ADAM23: variants seen among roughly 807,000 people sequenced by gnomAD.
ADAM23 encodes the protein ADAM metallopeptidase domain 23.
Under a neutral mutation model 120.1 loss-of-function variants are expected in ADAM23, and 33 were observed. That is an observed-to-expected ratio of 0.27 (90% CI 0.21 to 0.37). The LOEUF is 0.37. Among genes scored for constraint, ADAM23 ranks in the 10% least tolerant of loss-of-function variants. ADAM23 has a pLI of 1.00. For missense variants in ADAM23, 862 were observed against 1,058.2 expected, an observed-to-expected ratio of 0.81 and a Z score of 2.57; for synonymous variants, 367 against 375.2, an observed-to-expected ratio of 0.98 and a Z score of 0.25.
intron 3 of ADAM23, among the ~76,000 whole-genome samples, chr2:206,499,348 A>G (rs1696331058): frequency 6.6e-6 from 1 of 152,030 alleles, no homozygotes; most frequent in Non-Finnish European, 1.5e-5. Context: ...TTGTAGGGAC[A>G]TGGATGAAGC....
chr2:206,474,917 G>A (rs532791866), intron 2 of ADAM23, among the ~76,000 whole-genome samples: 12 of 152,224 alleles, frequency 7.9e-5, no homozygotes, highest in African/African-American at 2.9e-4. Flanking sequence ...CACACATCAT[G>A]TTGTTAAGCT....
At chr2:206,601,550 A>G (rs1698639997) in intron 24 of ADAM23, among the ~76,000 whole-genome samples, 1 of 152,110 alleles carries the variant, frequency 6.6e-6, no homozygotes, top group Admixed American at 6.5e-5. Flanking sequence ...AGGTGGGCAA[A>G]TTGCCTGAGC....
At chr2:206,617,028 T>C (rs1286482382) in intron 25 of ADAM23, among the ~76,000 whole-genome samples, 2 of 152,130 alleles carry the variant, frequency 1.3e-5, no homozygotes, top group Non-Finnish European at 2.9e-5. Context: ...TTTTCAACTT[T>C]CTAGATATAA....
intron 21 of ADAM23, among the ~76,000 whole-genome samples, chr2:206,590,415 G>C (rs1698404999): frequency 6.6e-6 from 1 of 152,100 alleles, no homozygotes; most frequent in South Asian, 2.1e-4. Context: ...TATTTGATTA[G>C]TTGAGGAAAG....
chr2:206,603,994 G>A (rs954529868), intron 24 of ADAM23, among the ~76,000 whole-genome samples: 7 of 151,180 alleles, frequency 4.6e-5, no homozygotes, highest in Non-Finnish European at 1.0e-4. Context: ...GACCAGGCAC[G>A]GTGGCCTCAT....
At chr2:206,510,956 G>A (rs537857119) in intron 3 of ADAM23, among the ~76,000 whole-genome samples, 12 of 152,170 alleles carry the variant, frequency 7.9e-5, no homozygotes, top group African/African-American at 2.9e-4. Context: ...GTCTTTCTTT[G>A]ATTTTAGGAA....
chr2:206,617,057 T>C lies in ADAM23; in HGVS notation c.2451-522T>C, dbSNP rs1482533512. Among the ~76,000 whole-genome samples the C allele has an allele frequency of 2.6e-5, 4 of 152,104 alleles. No individual in the cohort carries two copies. In the East Asian group the frequency reaches 5.8e-4, roughly 22 times the overall value. On this transcript the variant is annotated intron_variant, in intron 25 of 25. Coordinates refer to ENST00000264377, the MANE Select transcript of ADAM23 (RefSeq NM_003812.4). ...GATATAAAAAATGCTTGTTCTATAG[T>C]GGAGTAAGAGCTCACACACCCAAGG...
At chr2:206,539,926 T>TAA (rs1317511560) in intron 4 of ADAM23, among the ~76,000 whole-genome samples, 2 of 152,182 alleles carry the variant, frequency 1.3e-5, no homozygotes, top group Non-Finnish European at 2.9e-5. Context: ...TTTATAATGT[T>TAA]TAATATAACT....
chr2:206,608,989 G>C (rs1294302382), intron 24 of ADAM23, among the ~76,000 whole-genome samples: 1 of 152,200 alleles, frequency 6.6e-6, no homozygotes, highest in Non-Finnish European at 1.5e-5. Flanking sequence ...TGAAGGATGG[G>C]ATATGTAAAG....
chr2:206,498,167 A>G (rs1470183862), intron 3 of ADAM23, among the ~76,000 whole-genome samples: 1 of 152,182 alleles, frequency 6.6e-6, no homozygotes, highest in Non-Finnish European at 1.5e-5. Flanking sequence ...GTTTATATGG[A>G]ACCAAAAAAG....
chr2:206,470,397 C>T (rs566746115), intron 2 of ADAM23, among the ~76,000 whole-genome samples: 1 of 152,214 alleles, frequency 6.6e-6, no homozygotes, highest in African/African-American at 2.4e-5. Flanking sequence ...GGAGATTCTG[C>T]ATAGTGGTCA....
intron 6 of ADAM23, among the ~76,000 whole-genome samples, chr2:206,545,101 G>A (rs758004946): frequency 3.3e-5 from 5 of 152,132 alleles, no homozygotes; most frequent in Non-Finnish European, 4.4e-5. Flanking sequence ...GAACTGTAGC[G>A]GGAAAATAAT....
At position 206,587,426 on chromosome 2, in the gene ADAM23, AG is replaced by A. The variant is rs771634039; in HGVS notation, c.1788+52del. ...GTAATTTAAAAAGGATTCATTGGAA[AG>A]TTTTTTTTTCCTTTTTTGATAAATA... is the stretch of plus-strand genomic sequence containing the variant. On this transcript the variant is annotated intron_variant, in intron 19 of 25. Coordinates refer to ENST00000264377, the MANE Select transcript of ADAM23 (RefSeq NM_003812.4). 4 of 1,338,456 alleles carry A rather than the reference AG, an allele frequency of 3.0e-6. No individual in the cohort carries two copies. The South Asian group carries it at 5.3e-5, about 18-fold the overall frequency. 82.9% of individuals were successfully genotyped at this position (1,338,456 alleles called of 1,614,324 possible). A position where few individuals can be genotyped will look rare whatever the true frequency, so the allele number is the denominator to read the frequency against.
rs1457525361 is a variant in ADAM23, at chr2:206,619,320, C to T, written c.*1693C>T. On this transcript the variant is annotated 3_prime_UTR_variant, in exon 26 of 26. Coordinates refer to ENST00000264377, the MANE Select transcript of ADAM23 (RefSeq NM_003812.4). The stretch of plus-strand genomic sequence containing the variant: ...TTTCCAAGTCCCTCTGAGTTTCCTT[C>T]ACTTTTACTGATTTTTTTCTTCTAA... 6.6e-6 allele frequency: 1 copy of T among 152,170 alleles called. No individual in the cohort carries two copies. Among genetic ancestry groups the T allele is most frequent in the Non-Finnish European group, 1.5e-5 (1 of 68,028 alleles). 9.4% of individuals were successfully genotyped at this position (152,170 alleles called of 1,614,324 possible).
intron 25 of ADAM23, among the ~76,000 whole-genome samples, chr2:206,612,733 G>A (rs1423488924): frequency 6.6e-6 from 1 of 152,162 alleles, no homozygotes; most frequent in Non-Finnish European, 1.5e-5. Flanking sequence ...ATTCTTTAAA[G>A]TTCTTTCCTT....
At chr2:206,540,508 T>A (rs1697268980) in intron 4 of ADAM23, among the ~76,000 whole-genome samples, 1 of 151,736 alleles carries the variant, frequency 6.6e-6, no homozygotes, top group East Asian at 1.9e-4. Flanking sequence ...CCCACCTAAA[T>A]AACAGTTAGG....
chr2:206,463,871 A>G (rs16838282), intron 2 of ADAM23, among the ~76,000 whole-genome samples: 14,927 of 152,340 alleles, frequency 0.098, 918 homozygotes, highest in Middle Eastern at 0.15. Context: ...CAGAGGCTAC[A>G]TAGAGACCTA....
chr2:206,589,567 G>A, intron 21 of ADAM23, 53 bp downstream of exon 21: 4 of 1,458,868 alleles, frequency 2.7e-6, no homozygotes, highest in Non-Finnish European at 3.8e-6. Flanking sequence ...CCCTTCTTAT[G>A]CAAGTGCAAA....
At chr2:206,603,010 A>G (rs577868504) in intron 24 of ADAM23, among the ~76,000 whole-genome samples, 6 of 152,142 alleles carry the variant, frequency 3.9e-5, no homozygotes, top group Non-Finnish European at 8.8e-5. Context: ...TAATAAAAGG[A>G]TTGTGTTGTC....
Sources: gnomAD v4.1 joint callset for allele counts (sites outside exome capture counted in the v4.1 genomes callset) on GRCh38, gnomAD v4.1.1 for gene constraint, MANE v1.5 for transcripts, NCBI Gene and HGNC (gene_info 2026-07-23, HGNC 2026-07-21) for gene names.